Variants in PC observed in about 807,000 individuals in gnomAD.
PC encodes pyruvate carboxylase, also known as pyruvate carboxylase, mitochondrial.
Under a neutral mutation model 107.8 loss-of-function variants are expected in PC, and 46 were observed. The observed-to-expected ratio is 0.43, with a 90% CI of 0.34 to 0.55. The LOEUF (loss-of-function observed/expected upper bound fraction) is 0.55. Among genes scored for constraint, PC ranks in the 20% least tolerant of loss-of-function variants. The pLI, the probability that PC is intolerant of heterozygous loss-of-function variation, is 0.04. For synonymous variants in PC, 662 were observed against 684.7 expected, an observed-to-expected ratio of 0.97 and a Z score of 0.52; for missense variants, 1,241 against 1,643.1, an observed-to-expected ratio of 0.76 and a Z score of 4.23.
chr11:66,946,333 A>C (rs985578455), intron 3 of PC, among the ~76,000 whole-genome samples: 3 of 151,810 alleles, frequency 2.0e-5, no homozygotes, highest in Non-Finnish European at 4.4e-5. Context: ...ACCTCTACAA[A>C]GAAAATTTTT....
chr11:66,913,033 C>T (rs1948373887), intron 3 of PC, among the ~76,000 whole-genome samples: 2 of 152,146 alleles, frequency 1.3e-5, no homozygotes, highest in African/African-American at 2.4e-5. Context: ...CCATTCCTCA[C>T]AGGATATTCA....
At chr11:66,883,279 G>A (rs892409235) in intron 3 of PC, among the ~76,000 whole-genome samples, 10 of 152,202 alleles carry the variant, frequency 6.6e-5, no homozygotes, top group African/African-American at 2.2e-4. Flanking sequence ...CCTGCAGTGA[G>A]GTGGCTGCTC....
chr11:66,859,693 A>G (rs1478642140), intron 12 of PC: 1 of 1,612,642 alleles, frequency 6.2e-7, no homozygotes, highest in Non-Finnish European at 8.5e-7. Context: ...CCCGGCGCTG[A>G]CTATGACCTC....
intron 3 of PC, among the ~76,000 whole-genome samples, chr11:66,904,229 C>T (rs1221286150): frequency 6.6e-6 from 1 of 152,100 alleles, no homozygotes; most frequent in African/African-American, 2.4e-5. Context: ...CCTGCCCCTT[C>T]TCAGGTGACT....
At chr11:66,878,789 A>T (rs1426314974) in intron 3 of PC, among the ~76,000 whole-genome samples, 2 of 152,198 alleles carry the variant, frequency 1.3e-5, no homozygotes, top group Non-Finnish European at 2.9e-5. Flanking sequence ...TGTTTATGGA[A>T]GGGAAAAGAT....
intron 3 of PC, among the ~76,000 whole-genome samples, chr11:66,877,505 C>A (rs577286313): frequency 2.0e-5 from 3 of 152,262 alleles, no homozygotes; most frequent in African/African-American, 7.2e-5. Flanking sequence ...CTGGCTAACA[C>A]GGTGAAACCC....
intron 3 of PC, among the ~76,000 whole-genome samples, chr11:66,916,121 G>A (rs77589090): frequency 1.2e-4 from 19 of 152,300 alleles, no homozygotes; most frequent in African/African-American, 4.3e-4. Context: ...CAGGGGCCAC[G>A]TCTGTTCCCC....
In PC at chr11:66,858,883, AG is replaced by A. The variant is rs1258972997; in HGVS notation, c.1368+4890del. 2 of 1,560,312 alleles carry A rather than the reference AG, an allele frequency of 1.3e-6. No homozygotes were observed. The highest frequency in any genetic ancestry group is 1.7e-6 in the Non-Finnish European group (2 of 1,151,930). ...CCCCATGGTGGGAACAGCAGTGCCGAGGGGGGCCGCCCCGGGCCCTCGGACA... is the reference window on the plus strand; with the variant it reads ...CCCCATGGTGGGAACAGCAGTGCCGAGGGGGCCGCCCCGGGCCCTCGGACA... On this transcript the variant is annotated intron_variant, in intron 12 of 22. Coordinates refer to ENST00000393960, the MANE Select transcript of PC (RefSeq NM_001040716.2). This position sits in a 1 kb window ranked among gnomAD's most constrained non-coding sequence, Gnocchi z 5.9.
chr11:66,921,224 G>C (rs1044795109), intron 3 of PC, among the ~76,000 whole-genome samples: 2 of 152,184 alleles, frequency 1.3e-5, no homozygotes, highest in Non-Finnish European at 2.9e-5. Context: ...TAAAAACCCA[G>C]CTGCTTGCTA....
At chr11:66,936,169 G>T (rs200634865) in intron 3 of PC, among the ~76,000 whole-genome samples, 1 of 151,534 alleles carries the variant, frequency 6.6e-6, no homozygotes, top group Non-Finnish European at 1.5e-5. Flanking sequence ...CATTGCTTGA[G>T]CCCAGGAGGT....
In PC at chr11:66,849,114, C is replaced by G. The variant is rs1280365622; in HGVS notation, c.3322G>C (p.Val1108Leu). The G allele has an allele frequency of 1.2e-6, 2 of 1,614,108 alleles. No individual in the cohort carries two copies. Among genetic ancestry groups the G allele is most frequent in the South Asian group, 2.2e-5 (2 of 91,088 alleles). ...MHFHPKALKD[V>L]KGQIGAPMPG... is the part of the protein sequence containing the mutation. ...ATGGGCGCCCCGATCTGGCCCTTCA[C>G]GTCCTTTAGGGCCTTGGGGTGGAAG... is the stretch of plus-strand genomic sequence containing the variant. The change falls in exon 23 of 23, where the codon GTG becomes CTG. Residue 1108 changes from valine to leucine, a missense_variant. Val to Leu is a conservative substitution (Grantham distance 32). Coordinates refer to ENST00000393960, the MANE Select transcript of PC (RefSeq NM_001040716.2).
intron 12 of PC, among the ~76,000 whole-genome samples, chr11:66,854,611 G>A (rs1022908074): frequency 6.6e-6 from 1 of 152,158 alleles, no homozygotes; most frequent in African/African-American, 2.4e-5. Context: ...CATGGCCTGT[G>A]GCTGTGTAGC....
At chr11:66,954,135 A>C (rs1340224255) in intron 2 of PC, 114 bp downstream of exon 2, 2 of 152,204 alleles carry the variant, frequency 1.3e-5, no homozygotes, top group African/African-American at 4.8e-5. Context: ...ATAAGAAGCA[A>C]GGCCCTGCAG....
intron 3 of PC, among the ~76,000 whole-genome samples, chr11:66,947,516 G>T (rs536281925): frequency 6.7e-6 from 1 of 148,334 alleles, no homozygotes; most frequent in African/African-American, 2.5e-5. Flanking sequence ...AGCCGAGATC[G>T]TGCCACTGCA....
chr11:66,922,964 C>T (rs1948629300), intron 3 of PC, among the ~76,000 whole-genome samples: 1 of 152,230 alleles, frequency 6.6e-6, no homozygotes, highest in Non-Finnish European at 1.5e-5. Context: ...ATAACACTAG[C>T]TTCATAAGGA....
intron 3 of PC, among the ~76,000 whole-genome samples, chr11:66,886,909 G>A (rs1164820501): frequency 5.3e-5 from 8 of 152,110 alleles, no homozygotes; most frequent in Non-Finnish European, 1.0e-4. Flanking sequence ...TCAGTGCCAC[G>A]GTGCACGCCC....
intron 3 of PC, among the ~76,000 whole-genome samples, chr11:66,910,718 G>C (rs1312169301): frequency 1.3e-5 from 2 of 152,166 alleles, no homozygotes; most frequent in African/African-American, 2.4e-5. Context: ...ATGACCCCTA[G>C]AAAGATGCAA....
At chr11:66,849,903 C>T (rs776479126) in intron 20 of PC, 34 bp downstream of exon 20, 51 of 1,613,434 alleles carry the variant, frequency 3.2e-5, no homozygotes, top group Non-Finnish European at 1.4e-5. Context: ...CTGCATCCAG[C>T]CCCCACCCTC....
intron 3 of PC, among the ~76,000 whole-genome samples, chr11:66,890,504 T>TC (rs1161338965): frequency 6.0e-5 from 9 of 149,272 alleles, no homozygotes. Context: ...GTTTCATCTT[T>TC]TTTTTTTTTT....
Sources: allele counts gnomAD v4.1 joint callset (sites outside exome capture counted in the v4.1 genomes callset), GRCh38; gene constraint gnomAD v4.1.1; non-coding constraint Gnocchi (gnomAD v3.1); transcripts MANE v1.5; gene names NCBI Gene and HGNC (gene_info 2026-07-23, HGNC 2026-07-21).